CACNA2D3: variants seen among roughly 807,000 people sequenced by gnomAD.
CACNA2D3 encodes voltage-dependent calcium channel subunit alpha-2/delta-3.
A neutral mutation model predicts 160.6 loss-of-function variants in CACNA2D3; 60 were observed. The ratio of observed to expected loss-of-function variants is 0.37; its 90% CI spans 0.30 to 0.46. CACNA2D3 has a LOEUF of 0.46. Among genes scored for constraint, CACNA2D3 ranks in the 20% least tolerant of loss-of-function variants. The pLI, the probability that CACNA2D3 is intolerant of heterozygous loss-of-function variation, is 1.00. For missense variants in CACNA2D3, 1,205 were observed against 1,365.0 expected (o/e 0.88, Z 1.85); for synonymous variants, 558 against 492.9 (o/e 1.13, Z -1.75).
intron 5 of CACNA2D3, among the ~76,000 whole-genome samples, chr3:54,513,180 G>T (rs1049121972): frequency 2.6e-5 from 4 of 152,176 alleles, no homozygotes; most frequent in African/African-American, 9.7e-5. Flanking sequence ...GTAACTCTTA[G>T]AAGGACCTGG....
chr3:54,742,976 A>C (rs906715192), intron 11 of CACNA2D3, among the ~76,000 whole-genome samples: 1 of 152,256 alleles, frequency 6.6e-6, no homozygotes, highest in East Asian at 1.9e-4. Context: ...GCATAGAGAA[A>C]GTAAAATCTC....
chr3:54,307,320 A>G (rs569807153), intron 2 of CACNA2D3, among the ~76,000 whole-genome samples: 2 of 152,296 alleles, frequency 1.3e-5, no homozygotes, highest in African/African-American at 4.8e-5. Context: ...CTGATGTATA[A>G]GAATACCCTC....
chr3:54,143,539 G>A (rs771090532), intron 2 of CACNA2D3, among the ~76,000 whole-genome samples: 78 of 152,032 alleles, frequency 5.1e-4, no homozygotes, highest in Non-Finnish European at 9.1e-4. Context: ...TTGCTCTGTC[G>A]CCCAGGCTGG....
intron 2 of CACNA2D3, among the ~76,000 whole-genome samples, chr3:54,270,528 T>A (rs1702601186): frequency 6.6e-6 from 1 of 152,218 alleles, no homozygotes; most frequent in African/African-American, 2.4e-5. Flanking sequence ...ATGGTATTTC[T>A]ACTCCTGCAT....
chr3:54,356,490 G>A (rs1698651473), intron 3 of CACNA2D3, among the ~76,000 whole-genome samples: 1 of 152,196 alleles, frequency 6.6e-6, no homozygotes, highest in Non-Finnish European at 1.5e-5. Context: ...CCTTGACACA[G>A]TGTGGTGAGT....
chr3:54,491,153 A>G (rs996978076), intron 4 of CACNA2D3, among the ~76,000 whole-genome samples: 19 of 152,072 alleles, frequency 1.2e-4, no homozygotes, highest in African/African-American at 4.3e-4. Context: ...TGTGTTCTAG[A>G]TCTTTCCGCC....
chr3:55,051,387 C>T (rs1311764928), intron 35 of CACNA2D3, among the ~76,000 whole-genome samples: 2 of 134,366 alleles, frequency 1.5e-5, no homozygotes, highest in Non-Finnish European at 3.0e-5. Context: ...TGTGCCCCTG[C>T]TGGGGGGGTG....
At chr3:54,380,596 G>A (rs1202516399) in intron 3 of CACNA2D3, among the ~76,000 whole-genome samples, 1 of 152,184 alleles carries the variant, frequency 6.6e-6, no homozygotes, top group Non-Finnish European at 1.5e-5. Flanking sequence ...AAATTAGCCA[G>A]GCATGGTAGC....
chr3:54,140,703 C>T (rs1699908331), intron 2 of CACNA2D3, among the ~76,000 whole-genome samples: 1 of 152,236 alleles, frequency 6.6e-6, no homozygotes, highest in African/African-American at 2.4e-5. Context: ...GGGTTGCACA[C>T]CCACCCTCTG....
At chr3:54,156,595 C>T (rs138919737) in intron 2 of CACNA2D3, among the ~76,000 whole-genome samples, 22 of 152,352 alleles carry the variant, frequency 1.4e-4, no homozygotes, top group African/African-American at 4.8e-4. Flanking sequence ...CTCTGCCACT[C>T]TGAAGCAGGG....
intron 2 of CACNA2D3, among the ~76,000 whole-genome samples, chr3:54,233,316 C>G (rs372009455): frequency 1.3e-5 from 2 of 152,248 alleles, no homozygotes; most frequent in Admixed American, 6.5e-5. Context: ...ATAGACAGAT[C>G]CATTAACTGG....
At chr3:54,705,883 G>A (rs551114) in intron 11 of CACNA2D3, among the ~76,000 whole-genome samples, 23,273 of 145,022 alleles carry the variant, frequency 0.16, 2,240 homozygotes, top group Middle Eastern at 0.21. Flanking sequence ...AAGCACTTCA[G>A]TGATACTGAC....
intron 4 of CACNA2D3, among the ~76,000 whole-genome samples, chr3:54,500,519 TCCTTCCTTCCTTCCTTC>T (rs1701275162): frequency 1.7e-5 from 1 of 57,884 alleles, no homozygotes; most frequent in Non-Finnish European, 4.7e-5. Context: ...CTTCCTTCCT[TCCTTCCTTCCTTCCTTC>T]CTTCCTTCCT....
intron 9 of CACNA2D3, among the ~76,000 whole-genome samples, chr3:54,604,759 C>G (rs1703134107): frequency 6.6e-6 from 1 of 152,164 alleles, no homozygotes; most frequent in Non-Finnish European, 1.5e-5. Context: ...TCCCCAGCCC[C>G]CACTTGATCC....
chr3:54,345,126 C>T (rs1308663892), intron 3 of CACNA2D3, among the ~76,000 whole-genome samples: 2 of 152,206 alleles, frequency 1.3e-5, no homozygotes, highest in Non-Finnish European at 2.9e-5. Flanking sequence ...ACCGACAGCC[C>T]TTGGGGCTTC....
At chr3:54,518,529 G>A (rs557428124) in intron 5 of CACNA2D3, among the ~76,000 whole-genome samples, 5 of 152,126 alleles carry the variant, frequency 3.3e-5, no homozygotes, top group Non-Finnish European at 7.4e-5. Context: ...AGTCATCTGG[G>A]ACCAGCTGTA....
At chr3:54,150,682 A>C (rs1161658967) in intron 2 of CACNA2D3, among the ~76,000 whole-genome samples, 3 of 152,250 alleles carry the variant, frequency 2.0e-5, no homozygotes, top group Non-Finnish European at 4.4e-5. Context: ...ATTACCCTGG[A>C]AGAGGCGTAA....
In CACNA2D3 at chr3:54,710,479, C is replaced by T. The variant is rs373001229; in HGVS notation, c.1168-42120C>T. On this transcript the variant is annotated intron_variant, in intron 11 of 37. Coordinates refer to ENST00000474759, the MANE Select transcript of CACNA2D3 (RefSeq NM_018398.3). ...GTGCGGTCTTGACAGTTGTGGCAAGCGGGAGAGAAAGATTGAGGCAAATTG... is the reference window on the plus strand; with the variant it reads ...GTGCGGTCTTGACAGTTGTGGCAAGTGGGAGAGAAAGATTGAGGCAAATTG... Among the ~76,000 whole-genome samples the T allele has an allele frequency of 1.6e-4, 24 of 152,162 alleles. No individual in the cohort carries two copies. The East Asian group carries it at 2.9e-3, about 18-fold the overall frequency.
At chr3:54,696,739 TGAACCCTCCA>T (rs1485968960) in intron 11 of CACNA2D3, among the ~76,000 whole-genome samples, 1 of 152,222 alleles carries the variant, frequency 6.6e-6, no homozygotes, top group Non-Finnish European at 1.5e-5. Flanking sequence ...GCTCTAGCAC[TGAACCCTCCA>T]GAAGACATTT....
Sources: allele counts gnomAD v4.1 joint callset (sites outside exome capture counted in the v4.1 genomes callset), GRCh38; gene constraint gnomAD v4.1.1; transcripts MANE v1.5; gene names NCBI Gene and HGNC (gene_info 2026-07-23, HGNC 2026-07-21).